MPZL3: variants seen among roughly 807,000 people sequenced by gnomAD.
MPZL3 encodes the protein myelin protein zero-like protein 3.
A neutral mutation model predicts 24.8 loss-of-function variants in MPZL3; 23 were observed. The ratio of observed to expected loss-of-function variants is 0.93; its 90% CI spans 0.67 to 1.31. MPZL3 has a LOEUF of 1.31. MPZL3 is among the 40% of genes most tolerant of loss of function. The pLI is 0.00. For missense variants in MPZL3, 277 were observed against 294.9 expected (o/e 0.94, Z 0.44); for synonymous variants, 99 against 106.5 (o/e 0.93, Z 0.44).
At chr11:118,249,782 G>A (rs1023960010) in intron 1 of MPZL3, among the ~76,000 whole-genome samples, 1 of 151,836 alleles carries the variant, frequency 6.6e-6, no homozygotes, top group South Asian at 2.1e-4. Flanking sequence ...TGATATAGCA[G>A]GACCAGACTT....
chr11:118,240,444 C>A, intron 1 of MPZL3, 67 bp from the exon 2 acceptor site: 2 of 1,483,638 alleles, frequency 1.3e-6, no homozygotes, highest in Non-Finnish European at 1.8e-6. Context: ...TGTGAGTGAA[C>A]AATTATTTTT....
chr11:118,231,942 A>G (rs1949358089), intron 5 of MPZL3, among the ~76,000 whole-genome samples: 1 of 152,192 alleles, frequency 6.6e-6, no homozygotes, highest in African/African-American at 2.4e-5. Flanking sequence ...CACAAAAGCC[A>G]GAGTAATACT....
At chr11:118,235,376 C>A (rs761723796) in intron 4 of MPZL3, 48 bp downstream of exon 4, 3 of 1,600,494 alleles carry the variant, frequency 1.9e-6, no homozygotes, top group Middle Eastern at 2.1e-4. Context: ...CTGGGTAGAG[C>A]GCTAAGGAGG....
chr11:118,235,360 G>T, intron 4 of MPZL3, 64 bp downstream of exon 4: 1 of 1,516,584 alleles, frequency 6.6e-7, no homozygotes, highest in Non-Finnish European at 8.9e-7. Context: ...GTGTGGATGT[G>T]GGGGTCTGGG....
chr11:118,229,791 T>C lies in MPZL3; in HGVS notation c.*103A>G. ...GATGATCTCCAGGATTGTCCATCGCTATGGTCCAGGCCAGCTCCACTTTCT... is the reference window on the plus strand; with the variant it reads ...GATGATCTCCAGGATTGTCCATCGCCATGGTCCAGGCCAGCTCCACTTTCT... On this transcript the variant is annotated 3_prime_UTR_variant, in exon 6 of 6. Transcript: ENST00000278949. 8.8e-7 allele frequency: 1 copy of C among 1,130,686 alleles called. No homozygotes were observed. Among genetic ancestry groups the C allele is most frequent in the Non-Finnish European group, 1.3e-6 (1 of 756,744 alleles). The allele number at this position is 1,130,686 out of a possible 1,614,324, so 70.0% of individuals were successfully genotyped here.
At chr11:118,251,460 C>A (rs1294789269) in intron 1 of MPZL3, among the ~76,000 whole-genome samples, 1 of 151,766 alleles carries the variant, frequency 6.6e-6, no homozygotes, top group Non-Finnish European at 1.5e-5. Context: ...CCCAGGAAGA[C>A]ACACATACAC....
chr11:118,237,355 T>C lies in MPZL3; in HGVS notation c.241-95A>G, dbSNP rs1573560. On this transcript the variant is annotated intron_variant, in intron 2 of 5. Transcript: ENST00000278949. ...TCCAAAATAAAATACAACTGTATAA[T>C]GGTGTGTTTTTTTTCAGTTGGGCAA... 23,382 of 1,139,902 alleles carry C rather than the reference T, an allele frequency of 0.021. 3,325 individuals carry two copies. In the African/African-American group the frequency reaches 0.32, roughly 15 times the overall value. The allele number at this position is 1,139,902 out of a possible 1,614,324, so 70.6% of individuals were successfully genotyped here.
Position 118,237,111 on chromosome 11 carries a change from C to T in MPZL3, c.390G>A (p.Val130=), listed in dbSNP as rs746478600. 2.5e-5 allele frequency: 40 copies of T among 1,613,982 alleles called. No individual in the cohort carries two copies. Among genetic ancestry groups the T allele is most frequent in the Non-Finnish European group, 3.4e-5 (40 of 1,179,990 alleles). ...IKDNGTFSCA[V]KNPPDVHHNI... ...TATGATGCACATCTGGGGGATTCTT[C>T]ACAGCACAGCTGAATGTCCCATTGT... Residue 130 remains valine (V), a synonymous_variant, in exon 3 of 6, where the codon GTG becomes GTA. Coordinates refer to ENST00000278949, the MANE Select transcript of MPZL3 (RefSeq NM_198275.3).
chr11:118,236,684 T>C (rs1449115458), intron 3 of MPZL3, among the ~76,000 whole-genome samples: 7 of 152,282 alleles, frequency 4.6e-5, no homozygotes, highest in Non-Finnish European at 7.4e-5. Flanking sequence ...CACTATGCCA[T>C]AACTGGGAGT....
In MPZL3 at chr11:118,235,521, C is replaced by A; in HGVS notation, c.520G>T (p.Val174Phe). The A allele has an allele frequency of 6.2e-7, 1 of 1,613,974 alleles. No homozygotes were observed. Among genetic ancestry groups the A allele is most frequent in the Non-Finnish European group, 8.5e-7 (1 of 1,179,950 alleles). The change falls in exon 4 of 6, where the codon GTT becomes TTT. Residue 174 changes from valine (V) to phenylalanine (F), a missense_variant. By Grantham distance (50) the Val-to-Phe change is conservative. Transcript: ENST00000278949. ...ILVFVPSAVVVALLLVRMGRK... is the reference protein window; with the variant it reads ...ILVFVPSAVVFALLLVRMGRK... ...CCCATTCTCACCAGCAGCAGAGCAA[C>A]CACCACGGCTGAGGGCACAAAGACA... is the stretch of plus-strand genomic sequence containing the variant.
At chr11:118,247,042 T>C (rs1373704375) in intron 1 of MPZL3, among the ~76,000 whole-genome samples, 1 of 152,026 alleles carries the variant, frequency 6.6e-6, no homozygotes, top group African/African-American at 2.4e-5. Flanking sequence ...GGGCTGTTGT[T>C]AGAGGGATAC....
chr11:118,227,111 G>A lies in MPZL3; in HGVS notation c.*2783C>T, dbSNP rs1949280758. 1 of 152,264 alleles carries A rather than the reference G, an allele frequency of 6.6e-6. No individual in the cohort carries two copies. 9.4% of individuals were successfully genotyped at this position (152,264 alleles called of 1,614,324 possible). A position where few individuals can be genotyped will look rare whatever the true frequency, so the allele number is the denominator to read the frequency against. ...AGAGGACTAAGATGTTCCCCAAGTAGCCTGAAGTAACAGGTCACATGGAAA... is the reference window on the plus strand; with the variant it reads ...AGAGGACTAAGATGTTCCCCAAGTAACCTGAAGTAACAGGTCACATGGAAA... On this transcript the variant is annotated 3_prime_UTR_variant, in exon 6 of 6. Coordinates refer to ENST00000278949, the MANE Select transcript of MPZL3 (RefSeq NM_198275.3).
At chr11:118,246,574 T>G (rs1316960473) in intron 1 of MPZL3, among the ~76,000 whole-genome samples, 4 of 134,148 alleles carry the variant, frequency 3.0e-5, no homozygotes, top group African/African-American at 1.3e-4. Flanking sequence ...TTTCTTTTCT[T>G]TTTTTCTTTT....
intron 4 of MPZL3, among the ~76,000 whole-genome samples, chr11:118,234,189 G>C (rs1443454606): frequency 3.3e-5 from 5 of 152,174 alleles, no homozygotes; most frequent in Non-Finnish European, 7.3e-5. Context: ...CTAGCCTAGA[G>C]GTAAAAAGAT....
chr11:118,247,632 G>A (rs959891093), intron 1 of MPZL3, among the ~76,000 whole-genome samples: 1 of 151,680 alleles, frequency 6.6e-6, no homozygotes, highest in African/African-American at 2.4e-5. Context: ...CCCCACACCC[G>A]CCTTGTTTAT....
At chr11:118,237,774 C>T (rs935809018) in intron 2 of MPZL3, among the ~76,000 whole-genome samples, 3 of 152,074 alleles carry the variant, frequency 2.0e-5, no homozygotes, top group African/African-American at 7.2e-5. Context: ...AATTTCCACA[C>T]ATTTACTCAC....
intron 1 of MPZL3, among the ~76,000 whole-genome samples, chr11:118,248,899 G>A (rs934686962): frequency 6.6e-6 from 1 of 152,132 alleles, no homozygotes; most frequent in Non-Finnish European, 1.5e-5. Context: ...GTGGGCTATT[G>A]AAAGAAAAGT....
At chr11:118,232,830 T>G (rs1949371257) in intron 5 of MPZL3, among the ~76,000 whole-genome samples, 1 of 152,206 alleles carries the variant, frequency 6.6e-6, no homozygotes, top group Non-Finnish European at 1.5e-5. Context: ...ATGTATCATA[T>G]GAGATCAGAA....
At chr11:118,234,164 A>G (rs1949390145) in intron 4 of MPZL3, among the ~76,000 whole-genome samples, 1 of 152,242 alleles carries the variant, frequency 6.6e-6, no homozygotes, top group South Asian at 2.1e-4. Context: ...GCACTGACAA[A>G]GTCTGAGCAT....
Sources: allele counts gnomAD v4.1 joint callset (sites outside exome capture counted in the v4.1 genomes callset), GRCh38; gene constraint gnomAD v4.1.1; transcripts MANE v1.5; gene names NCBI Gene and HGNC (gene_info 2026-07-23, HGNC 2026-07-21).